The following GPR39 variants were observed in gnomAD, a reference collection of about 807,000 sequenced individuals.
GPR39 encodes G protein-coupled receptor 39.
GPR39 carries 23 observed loss-of-function variants against 18.4 expected under a neutral mutation model. The ratio of observed to expected loss-of-function variants is 1.25; its 90% CI spans 0.90 to 1.77. The LOEUF is 1.77. GPR39 is among the 40% of genes most tolerant of loss of function. The pLI is 0.00. For missense variants in GPR39, 647 were observed against 602.4 expected, an observed-to-expected ratio of 1.07 and a Z score of -0.78; for synonymous variants, 280 against 257.9, an observed-to-expected ratio of 1.09 and a Z score of -0.82.
At chr2:132,428,371 C>T (rs1680165717) in intron 1 of GPR39, among the ~76,000 whole-genome samples, 1 of 152,188 alleles carries the variant, frequency 6.6e-6, no homozygotes, top group African/African-American at 2.4e-5. Flanking sequence ...CTCATTGGGA[C>T]ATCAAAGTAT....
chr2:132,595,540 C>T (rs921859574), intron 1 of GPR39, among the ~76,000 whole-genome samples: 1 of 152,088 alleles, frequency 6.6e-6, no homozygotes, highest in Non-Finnish European at 1.5e-5. Flanking sequence ...ACCCCCACAT[C>T]CCCACCACTG....
chr2:132,562,704 G>C (rs1680276283), intron 1 of GPR39, among the ~76,000 whole-genome samples: 1 of 152,080 alleles, frequency 6.6e-6, no homozygotes, highest in South Asian at 2.1e-4. Flanking sequence ...GATAGTAATA[G>C]ATAGCAGGGG....
intron 1 of GPR39, among the ~76,000 whole-genome samples, chr2:132,618,413 T>C (rs1244369434): frequency 6.6e-6 from 1 of 152,254 alleles, no homozygotes; most frequent in African/African-American, 2.4e-5. Context: ...TACAAAACAT[T>C]AAACTGCATT....
chr2:132,534,828 G>A (rs549947731), intron 1 of GPR39, among the ~76,000 whole-genome samples: 34 of 151,994 alleles, frequency 2.2e-4, no homozygotes, highest in African/African-American at 6.0e-4. Flanking sequence ...ATCACACACT[G>A]GGGACTGTTG....
At chr2:132,567,654 G>C (rs1410310265) in intron 1 of GPR39, among the ~76,000 whole-genome samples, 2 of 152,204 alleles carry the variant, frequency 1.3e-5, no homozygotes, top group Non-Finnish European at 2.9e-5. Flanking sequence ...AACAGGCTAA[G>C]ATACCAGCAG....
At chr2:132,551,570 G>C (rs1359283849) in intron 1 of GPR39, among the ~76,000 whole-genome samples, 1 of 152,136 alleles carries the variant, frequency 6.6e-6, no homozygotes, top group Non-Finnish European at 1.5e-5. Context: ...AAGGTTTTTG[G>C]TGTCTGATTC....
At chr2:132,495,530 GCC>G (rs1173315787) in intron 1 of GPR39, among the ~76,000 whole-genome samples, 1 of 152,108 alleles carries the variant, frequency 6.6e-6, no homozygotes, top group Non-Finnish European at 1.5e-5. Context: ...ATTCATTCCT[GCC>G]CATTCAGATC....
chr2:132,494,874 G>A (rs1461886800), intron 1 of GPR39, among the ~76,000 whole-genome samples: 1 of 152,094 alleles, frequency 6.6e-6, no homozygotes, highest in Non-Finnish European at 1.5e-5. Flanking sequence ...GAGGTTATAT[G>A]TCAATAATGG....
chr2:132,461,318 C>T (rs1470998308), intron 1 of GPR39, among the ~76,000 whole-genome samples: 2 of 152,182 alleles, frequency 1.3e-5, no homozygotes, highest in East Asian at 1.9e-4. Flanking sequence ...GTGTTACCAC[C>T]GGCAGTTTTT....
At chr2:132,565,850 G>T (rs979821109) in intron 1 of GPR39, among the ~76,000 whole-genome samples, 27 of 150,996 alleles carry the variant, frequency 1.8e-4, no homozygotes, top group Non-Finnish European at 3.1e-4. Context: ...GAATAATGCT[G>T]CAATAAACAT....
chr2:132,549,223 T>C (rs1679998908), intron 1 of GPR39, among the ~76,000 whole-genome samples: 1 of 152,130 alleles, frequency 6.6e-6, no homozygotes. Flanking sequence ...TGTGAGACTA[T>C]CAGACTGTAA....
At chr2:132,644,752 C>T (rs541754640) in intron 1 of GPR39, 57 of 234,256 alleles carry the variant, frequency 2.4e-4, no homozygotes, top group African/African-American at 1.2e-3. Flanking sequence ...CAAAAAAAGA[C>T]AAAACCAGAT....
At chr2:132,513,336 G>A (rs139475190) in intron 1 of GPR39, among the ~76,000 whole-genome samples, 3 of 152,252 alleles carry the variant, frequency 2.0e-5, no homozygotes, top group Non-Finnish European at 2.9e-5. Context: ...GGTGGCGGGC[G>A]CCTGTAGTCC....
At chr2:132,572,384 A>C (rs1168734441) in intron 1 of GPR39, among the ~76,000 whole-genome samples, 1 of 152,030 alleles carries the variant, frequency 6.6e-6, no homozygotes, top group Non-Finnish European at 1.5e-5. Flanking sequence ...AGTGCATCTG[A>C]GCAGAGCATC....
intron 1 of GPR39, among the ~76,000 whole-genome samples, chr2:132,595,872 C>A (rs1680935964): frequency 6.6e-6 from 1 of 152,148 alleles, no homozygotes; most frequent in Non-Finnish European, 1.5e-5. Flanking sequence ...TATAACCGTG[C>A]TCTTGAGCTC....
chr2:132,581,498 T>C (rs181688153), intron 1 of GPR39, among the ~76,000 whole-genome samples: 9 of 152,274 alleles, frequency 5.9e-5, no homozygotes, highest in Non-Finnish European at 4.4e-5. Flanking sequence ...GCCCTTGTTA[T>C]GTTTTCTCAT....
At chr2:132,614,231 G>C (rs1681288889) in intron 1 of GPR39, among the ~76,000 whole-genome samples, 1 of 150,078 alleles carries the variant, frequency 6.7e-6, no homozygotes, top group African/African-American at 2.4e-5. Context: ...TATTTTGACA[G>C]AGTCTTGCTC....
In GPR39 at chr2:132,627,226, C is replaced by T. The variant is rs111282507; in HGVS notation, c.857-17875C>T. Reference sequence around the variant, plus strand: ...TGTACCCACCTCTGGGTATAGAGAGCGAGGACTACCTCCAACCTGAGCTGG... The same window carrying T: ...TGTACCCACCTCTGGGTATAGAGAGTGAGGACTACCTCCAACCTGAGCTGG... On this transcript the variant is annotated intron_variant, in intron 1 of 1. Transcript: ENST00000329321. Among the ~76,000 whole-genome samples the T allele has an allele frequency of 1.3e-3, 195 of 152,264 alleles. 2 individuals are homozygous for T. The highest frequency in any genetic ancestry group is 7.5e-3 in the South Asian group (36 of 4,824).
At chr2:132,493,600 C>G (rs534772616) in intron 1 of GPR39, among the ~76,000 whole-genome samples, 2 of 149,992 alleles carry the variant, frequency 1.3e-5, no homozygotes, top group African/African-American at 4.9e-5. Flanking sequence ...AGGAGAAGTT[C>G]ATGATGAGTC....
Sources: allele counts gnomAD v4.1 joint callset (sites outside exome capture counted in the v4.1 genomes callset), GRCh38; gene constraint gnomAD v4.1.1; transcripts MANE v1.5; gene names NCBI Gene and HGNC (gene_info 2026-07-23, HGNC 2026-07-21).